AK3: variants seen among roughly 807,000 people sequenced by gnomAD.
AK3 encodes the protein GTP:AMP phosphotransferase AK3, mitochondrial.
Under a neutral mutation model 23.7 loss-of-function variants are expected in AK3, and 27 were observed. The ratio of observed to expected loss-of-function variants is 1.14; its 90% CI spans 0.84 to 1.57. AK3 has a LOEUF of 1.57. Among genes scored for constraint, AK3 ranks in the 40% most tolerant of loss-of-function variants. The probability of loss-of-function intolerance (pLI) is 0.00; values close to 1 mark genes in which losing one functional copy is unlikely to be tolerated. For synonymous variants in AK3, 159 were observed against 116.0 expected, an observed-to-expected ratio of 1.37 and a Z score of -2.38; for missense variants, 406 against 285.6, an observed-to-expected ratio of 1.42 and a Z score of -3.04.
intron 1 of AK3, among the ~76,000 whole-genome samples, chr9:4,738,641 C>T (rs1222481309): frequency 6.6e-6 from 1 of 151,344 alleles, no homozygotes; most frequent in Non-Finnish European, 1.5e-5. Flanking sequence ...AAAATGCACC[C>T]AAGAGTTAAT....
Position 4,735,372 on chromosome 9 carries a change from A to AATATATATACATATATAAAT in AK3, c.151+5545_151+5564dup, listed in dbSNP as rs1563798451. On this transcript the variant is annotated intron_variant, in intron 1 of 4. Coordinates refer to ENST00000381809, the MANE Select transcript of AK3 (RefSeq NM_016282.4). ...ATATAAATATATATATACATATATA[A>AATATATATACATATATAAAT]ATATATATACATATATAAATATATA... is the stretch of plus-strand genomic sequence containing the variant. Among the ~76,000 whole-genome samples the AATATATATACATATATAAAT allele has an allele frequency of 1.8e-3, 75 of 40,652 alleles. 7 individuals are homozygous for AATATATATACATATATAAAT. Among genetic ancestry groups the AATATATATACATATATAAAT allele is most frequent in the African/African-American group, 4.3e-3 (44 of 10,246 alleles). The allele number at this position is 40,652 out of a possible 152,430, so 26.7% of individuals were successfully genotyped here. A position where few individuals can be genotyped will look rare whatever the true frequency, so the allele number is the denominator to read the frequency against.
intron 1 of AK3, among the ~76,000 whole-genome samples, chr9:4,734,431 T>C (rs958756407): frequency 1.3e-5 from 2 of 152,252 alleles, no homozygotes; most frequent in Non-Finnish European, 2.9e-5. Context: ...GTGAAATCAG[T>C]TGCTCTCTGT....
At chr9:4,741,565 G>T (rs1274242081), upstream of AK3, among the ~76,000 whole-genome samples, 2 of 150,582 alleles carry the variant, frequency 1.3e-5, no homozygotes, top group Non-Finnish European at 3.0e-5. Flanking sequence ...CGGATAGACC[G>T]CGCTCCCCTC....
intron 1 of AK3, among the ~76,000 whole-genome samples, chr9:4,732,445 C>G (rs1003324029): frequency 6.6e-6 from 1 of 152,122 alleles, no homozygotes; most frequent in South Asian, 2.1e-4. Context: ...GAATCGGCAG[C>G]CCTAACCCCA....
rs1841521340 is a variant in AK3, at chr9:4,710,330, C to G, written c.*2646G>C. 6.6e-6 allele frequency: 1 copy of G among 151,898 alleles called. No homozygotes were observed. The allele number at this position is 151,898 out of a possible 1,614,324, so 9.4% of individuals were successfully genotyped here. On this transcript the variant is annotated 3_prime_UTR_variant, in exon 5 of 5. Transcript: ENST00000381809. ...TCACACCATTCTCCTGCCTCAACCT[C>G]CCGAGTAGCTGGGACTACAGGCGCC... is the stretch of plus-strand genomic sequence containing the variant.
chr9:4,731,646 C>A (rs1338507062), intron 1 of AK3, among the ~76,000 whole-genome samples: 3 of 151,796 alleles, frequency 2.0e-5, no homozygotes, highest in South Asian at 2.1e-4. Flanking sequence ...AATATATTTA[C>A]CCCCTCCCAA....
At chr9:4,729,217 T>C (rs1842098113) in intron 1 of AK3, among the ~76,000 whole-genome samples, 1 of 151,678 alleles carries the variant, frequency 6.6e-6, no homozygotes, top group Non-Finnish European at 1.5e-5. Flanking sequence ...ACCATGTTGG[T>C]CAGGCTGGTG....
chr9:4,734,668 T>G, intron 1 of AK3, among the ~76,000 whole-genome samples: 1 of 152,188 alleles, frequency 6.6e-6, no homozygotes, highest in East Asian at 1.9e-4. Flanking sequence ...TGACCAGGCT[T>G]ACCTTTTTAA....
chr9:4,728,864 T>C (rs142703114), intron 1 of AK3, among the ~76,000 whole-genome samples: 40,158 of 72,914 alleles, frequency 0.55, 7,342 homozygotes, highest in Middle Eastern at 0.62. Context: ...TATATATATA[T>C]ATACACACAC....
chr9:4,718,677 C>A, intron 3 of AK3, 140 bp from the exon 4 acceptor site: 1 of 638,418 alleles, frequency 1.6e-6, no homozygotes, highest in Non-Finnish European at 2.7e-6. Context: ...AAAATGGAAT[C>A]CAACCTCAAA....
intron 1 of AK3, among the ~76,000 whole-genome samples, chr9:4,734,772 G>C (rs1048919317): frequency 5.3e-5 from 8 of 152,122 alleles, no homozygotes; most frequent in Non-Finnish European, 7.3e-5. Flanking sequence ...CTTATGAATG[G>C]ATAAATAAAA....
At chr9:4,739,863 A>G (rs753161394) in intron 1 of AK3, among the ~76,000 whole-genome samples, 46 of 152,204 alleles carry the variant, frequency 3.0e-4, no homozygotes, top group Admixed American at 9.8e-4. Flanking sequence ...CCCAGGAGGC[A>G]GACAGAGCAA....
At position 4,719,220 on chromosome 9, in the gene AK3, A is replaced by T; in HGVS notation, c.359T>A (p.Val120Asp). The T allele has an allele frequency of 6.2e-7, 1 of 1,611,918 alleles. No homozygotes were observed. Among genetic ancestry groups the T allele is most frequent in the Non-Finnish European group, 8.5e-7 (1 of 1,179,814 alleles). Residue 120 changes from valine (V) to aspartate (D), a missense_variant, in exon 3 of 5, where the codon GTC becomes GAC. Transcript: ENST00000381809. ...TVINLNVPFE[V>D]IKQRLTARWI... is the part of the protein sequence containing the mutation. The stretch of plus-strand genomic sequence containing the variant: ...GCGAGCAGTAAGGCGTTGTTTAATG[A>T]CCTCAAAGGGCACATTCAGGTTAAT...
At chr9:4,736,112 C>T in intron 1 of AK3, among the ~76,000 whole-genome samples, 1 of 131,332 alleles carries the variant, frequency 7.6e-6, no homozygotes, top group South Asian at 2.4e-4. Flanking sequence ...GAGACTCCAT[C>T]TCAAAAAAAA....
chr9:4,718,010 CAGTT>C (rs1841783840), intron 4 of AK3, among the ~76,000 whole-genome samples: 1 of 152,214 alleles, frequency 6.6e-6, no homozygotes, highest in East Asian at 1.9e-4. Context: ...AAGCCTGTAA[CAGTT>C]AGTGCCAGGC....
intron 1 of AK3, among the ~76,000 whole-genome samples, chr9:4,740,304 G>T (rs983797367): frequency 6.6e-6 from 1 of 150,874 alleles, no homozygotes; most frequent in East Asian, 2.0e-4. Context: ...GTGCCGAGCT[G>T]TAAGAATTTA....
intron 4 of AK3, among the ~76,000 whole-genome samples, chr9:4,714,134 C>T (rs1771105249): frequency 6.7e-6 from 1 of 149,268 alleles, no homozygotes; most frequent in Admixed American, 6.7e-5. Flanking sequence ...ATATACACAC[C>T]TACACATATA....
intron 1 of AK3, among the ~76,000 whole-genome samples, chr9:4,737,254 A>G (rs1224512108): frequency 6.6e-6 from 1 of 150,844 alleles, no homozygotes; most frequent in African/African-American, 2.4e-5. Flanking sequence ...CTGCTTTAAA[A>G]TAAATAAAAA....
At position 4,741,182 on chromosome 9, in the gene AK3, C is replaced by T. The variant is rs1488333571; in HGVS notation, c.-95G>A. 3 of 1,275,158 alleles carry T rather than the reference C, an allele frequency of 2.4e-6. No homozygotes were observed. The highest frequency in any genetic ancestry group is 3.0e-6 in the Non-Finnish European group (3 of 995,142). The allele number at this position is 1,275,158 out of a possible 1,614,324, so 79.0% of individuals were successfully genotyped here. On this transcript the variant is annotated 5_prime_UTR_variant, in exon 1 of 5. Coordinates refer to ENST00000381809, the MANE Select transcript of AK3 (RefSeq NM_016282.4). ...GCAGCCTGCGCCGGCCGGCTAGCAG[C>T]GCCACTAGCAGGCGGCTACTGCGGT...
Sources: allele counts gnomAD v4.1 joint callset (sites outside exome capture counted in the v4.1 genomes callset), GRCh38; gene constraint gnomAD v4.1.1; transcripts MANE v1.5; gene names NCBI Gene and HGNC (gene_info 2026-07-23, HGNC 2026-07-21).